Variants in MYO7A observed in about 807,000 individuals in gnomAD.
MYO7A encodes myosin VIIA, also known as unconventional myosin-VIIa.
MYO7A carries 210 observed loss-of-function variants against 263.8 expected under a neutral mutation model. The observed-to-expected ratio is 0.80, with a 90% CI of 0.71 to 0.89. The LOEUF is 0.89. Among genes scored for constraint, MYO7A ranks in the 40% least tolerant of loss-of-function variants. The pLI is 0.00. For synonymous variants in MYO7A, 1,239 were observed against 1,197.3 expected, an observed-to-expected ratio of 1.03 and a Z score of -0.72; for missense variants, 2,820 against 2,968.3, an observed-to-expected ratio of 0.95 and a Z score of 1.16.
At chr11:77,204,583 G>T (rs565913183) in intron 39 of MYO7A, among the ~76,000 whole-genome samples, 1 of 152,220 alleles carries the variant, frequency 6.6e-6, no homozygotes. Flanking sequence ...TGCAGGCTGG[G>T]CCGGCTGTCA....
intron 2 of MYO7A, among the ~76,000 whole-genome samples, chr11:77,140,710 C>T (rs1951159701): frequency 6.6e-6 from 1 of 152,210 alleles, no homozygotes; most frequent in African/African-American, 2.4e-5. Flanking sequence ...GGCTTGGACA[C>T]AAGCAGCTGT....
intron 1 of MYO7A, among the ~76,000 whole-genome samples, chr11:77,129,950 G>A (rs1396220472): frequency 6.6e-6 from 1 of 152,212 alleles, no homozygotes; most frequent in African/African-American, 2.4e-5. Flanking sequence ...GGGCCAGATT[G>A]TGCTGGGCCT....
intron 15 of MYO7A, among the ~76,000 whole-genome samples, chr11:77,166,610 C>T (rs1953573952): frequency 6.6e-6 from 1 of 152,182 alleles, no homozygotes; most frequent in African/African-American, 2.4e-5. Flanking sequence ...CTCCGCCTTT[C>T]CTTAGGCCCT....
Position 77,189,444 on chromosome 11 carries a change from T to A in MYO7A, c.3604T>A (p.Phe1202Ile). ...WILVSLCVGC[F>I]APSEKFVKYL... ...TCTCGTGTCTCTCTGCGTGGGCTGT[T>A]TCGCCCCCTCCGAGAAGTTTGTCAA... The change falls in exon 28 of 49, where the codon TTC (phenylalanine) becomes ATC (isoleucine). Residue 1202 changes from phenylalanine (F) to isoleucine (I), a missense_variant. Phe to Ile is a conservative substitution (Grantham distance 21). Coordinates refer to ENST00000409709, the MANE Select transcript of MYO7A (RefSeq NM_000260.4). 6.2e-7 allele frequency: 1 copy of A among 1,613,862 alleles called. No individual in the cohort carries two copies. Among genetic ancestry groups the A allele is most frequent in the African/African-American group, 1.3e-5 (1 of 75,040 alleles).
chr11:77,166,312 G>A (rs1953538930), intron 15 of MYO7A, 150 bp downstream of exon 15: 1 of 673,614 alleles, frequency 1.5e-6, no homozygotes, highest in Admixed American at 2.4e-5. Flanking sequence ...GGGCCTGGAG[G>A]GGCCTCAAAG....
Position 77,180,481 on chromosome 11 carries a change from G to C in MYO7A, c.2694G>C (p.Gln898His). 6.2e-7 allele frequency: 1 copy of C among 1,611,640 alleles called. No homozygotes were observed. Among genetic ancestry groups the C allele is most frequent in the East Asian group, 2.2e-5 (1 of 44,858 alleles). Residue 898 changes from glutamine (Q) to histidine (H), a missense_variant and splice_region_variant, in exon 22 of 49, where the codon CAG becomes CAC. Coordinates refer to ENST00000409709, the MANE Select transcript of MYO7A (RefSeq NM_000260.4). ...KAKEEAERKHQERLAQLARED... is the reference protein window; with the variant it reads ...KAKEEAERKHHERLAQLARED... ...AGGAGGAGGCCGAGCGCAAGCATCA[G>C]GTGAGCTGAGAGCCTCCAGGCACCT...
At chr11:77,205,722 C>T in intron 40 of MYO7A, 105 bp downstream of exon 40, 2 of 1,468,658 alleles carry the variant, frequency 1.4e-6, no homozygotes, top group Non-Finnish European at 1.8e-6. Context: ...AGCAGTTGGG[C>T]CCACCCCTGG....
At chr11:77,183,928 C>A (rs79285966) in intron 26 of MYO7A, among the ~76,000 whole-genome samples, 1,967 of 152,142 alleles carry the variant, frequency 0.013, 90 homozygotes, top group East Asian at 0.095. Context: ...TTCAAGGGAC[C>A]CAGGGAAGAA....
chr11:77,210,021 C>T (rs564051918), intron 44 of MYO7A, among the ~76,000 whole-genome samples: 2 of 152,372 alleles, frequency 1.3e-5, no homozygotes, highest in East Asian at 3.9e-4. Context: ...TTCCTTCCCT[C>T]ACCTACTGAG....
At chr11:77,206,303 A>G in intron 41 of MYO7A, 101 bp downstream of exon 41, 5 of 852,362 alleles carry the variant, frequency 5.9e-6, no homozygotes, top group South Asian at 5.2e-5. Context: ...ATCACCTGAC[A>G]TTTGCCGCCT....
chr11:77,144,518 C>T (rs1257624741), intron 3 of MYO7A, among the ~76,000 whole-genome samples: 3 of 152,246 alleles, frequency 2.0e-5, no homozygotes, highest in Admixed American at 2.0e-4. Context: ...CTGGCAGGGG[C>T]AGTTCGGGAG....
chr11:77,199,813 A>G lies in MYO7A; in HGVS notation c.4847A>G (p.Asn1616Ser), dbSNP rs1475130689. 1 of 1,585,152 alleles carries G rather than the reference A, an allele frequency of 6.3e-7. No homozygotes were observed. Among genetic ancestry groups the G allele is most frequent in the South Asian group, 1.1e-5 (1 of 88,340 alleles). The change falls in exon 35 of 49, where the codon AAC (asparagine) becomes AGC (serine). Residue 1616 changes from asparagine (N) to serine (S), a missense_variant. By Grantham distance (46) the Asn-to-Ser change is conservative. Transcript: ENST00000409709. The stretch of plus-strand genomic sequence containing the variant: ...GTTGTGGCCCTGCAGGATAACCCCA[A>G]CCCCGGTGAGTGGCTGCTGGTATGG... The part of the protein sequence containing the change: ...KYVVALQDNP[N>S]PAGEESGFLS...
At chr11:77,204,910 G>A (rs192740819) in intron 39 of MYO7A, among the ~76,000 whole-genome samples, 3 of 152,258 alleles carry the variant, frequency 2.0e-5, no homozygotes, top group Non-Finnish European at 4.4e-5. Context: ...TCTGCATGCC[G>A]TAATTTGCTT....
At position 77,208,412 on chromosome 11, in the gene MYO7A, C is replaced by T. The variant is rs368000403; in HGVS notation, c.5857-18C>T. On this transcript the variant is annotated intron_variant, in intron 42 of 48. Transcript: ENST00000409709. ...AGTGTTGCTTAAACTGAGTGTGCTT[C>T]GATGGCCCTGACCCCAGGTCCTCAG... 34 of 1,586,474 alleles carry T rather than the reference C, an allele frequency of 2.1e-5. No homozygotes were observed. Among genetic ancestry groups the T allele is most frequent in the Middle Eastern group, 1.7e-4 (1 of 6,028 alleles).
rs936881626 is a variant in MYO7A, at chr11:77,161,074, C to T, written c.1302C>T (p.Gly434=). The change falls in exon 12 of 49, where the codon GGC becomes GGT. Residue 434 remains glycine (G), a synonymous_variant. Coordinates refer to ENST00000409709, the MANE Select transcript of MYO7A (RefSeq NM_000260.4). ...TGAAGAACTCTCGCAGGTCCATCGG[C>T]CTCCTGGACATCTTTGGGTTTGAGA... is the stretch of plus-strand genomic sequence containing the variant. ...QDVKNSRRSI[G]LLDIFGFENF... 7 of 1,613,996 alleles carry T rather than the reference C, an allele frequency of 4.3e-6. No individual in the cohort carries two copies. Among genetic ancestry groups the T allele is most frequent in the African/African-American group, 1.3e-5 (1 of 75,044 alleles).
At chr11:77,189,809 A>G (rs1955907882) in intron 28 of MYO7A, among the ~76,000 whole-genome samples, 1 of 152,084 alleles carries the variant, frequency 6.6e-6, no homozygotes, top group East Asian at 1.9e-4. Context: ...GTGAAGGGGT[A>G]TGGGGAGGAG....
At chr11:77,201,326 C>A in intron 35 of MYO7A, 122 bp from the exon 36 acceptor site, 1 of 967,182 alleles carries the variant, frequency 1.0e-6, no homozygotes, top group Non-Finnish European at 1.6e-6. Flanking sequence ...AGAGTTGTGA[C>A]AAGGTGGAGG....
At chr11:77,139,111 A>G (rs1373249499) in intron 2 of MYO7A, among the ~76,000 whole-genome samples, 1 of 152,250 alleles carries the variant, frequency 6.6e-6, no homozygotes, top group African/African-American at 2.4e-5. Context: ...TCATCTTTAC[A>G]TGCACTGACT....
rs973746837 is a variant in MYO7A at position 77,160,983 on chromosome 11, G to A, written c.1211G>A (p.Gly404Glu). The A allele has an allele frequency of 1.2e-6, 2 of 1,604,576 alleles. No homozygotes were observed. Among genetic ancestry groups the A allele is most frequent in the Non-Finnish European group, 1.7e-6 (2 of 1,176,012 alleles). The change falls in exon 12 of 49, where the codon GGG (glycine) becomes GAG (glutamate). Residue 404 changes from glycine to glutamate, a missense_variant. Physicochemically the swap from Gly to Glu is moderately conservative, Grantham distance 98 (BLOSUM62 -2). Transcript: ENST00000409709. The stretch of plus-strand genomic sequence containing the variant: ...ATCACTGCCTTTCAGGGGATCTACG[G>A]GCGGCTGTTCGTGTGGATTGTGGAC... ...VRDAFVKGIYGRLFVWIVDKI... is the reference protein window; with the variant it reads ...VRDAFVKGIYERLFVWIVDKI...
Sources: allele counts gnomAD v4.1 joint callset (sites outside exome capture counted in the v4.1 genomes callset), GRCh38; gene constraint gnomAD v4.1.1; transcripts MANE v1.5; gene names NCBI Gene and HGNC (gene_info 2026-07-23, HGNC 2026-07-21).